CNTNAP5: variants seen among roughly 807,000 people sequenced by gnomAD.
CNTNAP5 encodes contactin associated protein family member 5, also known as contactin-associated protein-like 5.
A neutral mutation model predicts 150.2 loss-of-function variants in CNTNAP5; 72 were observed. The ratio of observed to expected loss-of-function variants is 0.48; its 90% CI spans 0.40 to 0.58. The LOEUF (loss-of-function observed/expected upper bound fraction) is 0.58, where lower values mean the gene tolerates loss of function less well. CNTNAP5 is among the 20% of genes least tolerant of loss of function. The pLI is 0.00. For missense variants in CNTNAP5, 1,636 were observed against 1,626.2 expected, an observed-to-expected ratio of 1.01 and a Z score of -0.10; for synonymous variants, 672 against 619.8, an observed-to-expected ratio of 1.08 and a Z score of -1.25.
At chr2:124,555,439 A>AACCC (rs1206910201) in intron 10 of CNTNAP5, among the ~76,000 whole-genome samples, 1 of 152,204 alleles carries the variant, frequency 6.6e-6, no homozygotes, top group Non-Finnish European at 1.5e-5. Flanking sequence ...CTGACCATGA[A>AACCC]ACCCATATCA....
At chr2:124,777,775 A>ATGTGTGTGTG (rs35863925) in intron 17 of CNTNAP5, among the ~76,000 whole-genome samples, 85 of 130,684 alleles carry the variant, frequency 6.5e-4, no homozygotes, top group South Asian at 2.7e-3. Flanking sequence ...GAATGGAGGG[A>ATGTGTGTGTG]TGTGTGTGTG....
intron 19 of CNTNAP5, among the ~76,000 whole-genome samples, chr2:124,818,265 T>C (rs1682410304): frequency 6.6e-6 from 1 of 152,172 alleles, no homozygotes; most frequent in African/African-American, 2.4e-5. Context: ...CCATGATCCC[T>C]GGAAGTATTA....
intron 4 of CNTNAP5, among the ~76,000 whole-genome samples, chr2:124,433,403 T>C (rs1425551147): frequency 6.6e-6 from 1 of 152,244 alleles, no homozygotes; most frequent in Non-Finnish European, 1.5e-5. Flanking sequence ...TATTATTTCA[T>C]TTTCCTTTTC....
intron 1 of CNTNAP5, among the ~76,000 whole-genome samples, chr2:124,090,851 G>T (rs2104685847): frequency 6.6e-6 from 1 of 152,302 alleles, no homozygotes; most frequent in Middle Eastern, 3.4e-3. Flanking sequence ...GATTAATGCT[G>T]CACAGTAACT....
chr2:124,193,663 A>C (rs1192499886), intron 1 of CNTNAP5, among the ~76,000 whole-genome samples: 1 of 152,226 alleles, frequency 6.6e-6, no homozygotes, highest in Non-Finnish European at 1.5e-5. Context: ...CTTGGAAAAC[A>C]ATACCTCACT....
chr2:124,364,565 T>C (rs1440816052), intron 3 of CNTNAP5, among the ~76,000 whole-genome samples: 1 of 152,186 alleles, frequency 6.6e-6, no homozygotes, highest in Non-Finnish European at 1.5e-5. Context: ...ACTGAGGTTT[T>C]CCAAGTGTCT....
At chr2:124,710,332 G>A (rs2105102604) in intron 13 of CNTNAP5, among the ~76,000 whole-genome samples, 1 of 152,310 alleles carries the variant, frequency 6.6e-6, no homozygotes, top group Admixed American at 6.5e-5. Flanking sequence ...TCTGGTCAGA[G>A]AGTTTCCATC....
At chr2:124,397,415 G>C (rs1218549583) in intron 3 of CNTNAP5, among the ~76,000 whole-genome samples, 1 of 152,056 alleles carries the variant, frequency 6.6e-6, no homozygotes, top group Non-Finnish European at 1.5e-5. Flanking sequence ...AAGATAGGGA[G>C]GGCTAGTTCT....
chr2:124,915,131 GAT>G lies in CNTNAP5; in HGVS notation c.*855_*856del, dbSNP rs1219289345. 3.7e-5 allele frequency: 6 copies of G among 163,228 alleles called. No homozygotes were observed. The highest frequency in any genetic ancestry group is 4.9e-5 in the African/African-American group (2 of 40,676). The allele number at this position is 163,228 out of a possible 1,614,324, so 10.1% of individuals were successfully genotyped here. The stretch of plus-strand genomic sequence containing the variant: ...GGTATTCCTGGGATTATTATACTGA[GAT>G]ATATATATATACACACACACACACA... On this transcript the variant is annotated 3_prime_UTR_variant, in exon 24 of 24. Transcript: ENST00000682447.
intron 17 of CNTNAP5, among the ~76,000 whole-genome samples, chr2:124,788,603 C>CTTTCTTTTT (rs745963953): frequency 7.3e-6 from 1 of 136,332 alleles, no homozygotes; most frequent in African/African-American, 2.8e-5. Flanking sequence ...TTCTTTCTTT[C>CTTTCTTTTT]TTTTTTTTTT....
chr2:124,571,455 G>A (rs1471571197), intron 11 of CNTNAP5, among the ~76,000 whole-genome samples: 1 of 148,948 alleles, frequency 6.7e-6, no homozygotes, highest in Admixed American at 6.7e-5. Context: ...GAAGAGGGAT[G>A]TTTCAGGAAT....
chr2:124,748,688 C>G (rs1412479282), intron 14 of CNTNAP5, among the ~76,000 whole-genome samples: 1 of 152,110 alleles, frequency 6.6e-6, no homozygotes, highest in East Asian at 1.9e-4. Context: ...AAGTCAAAAT[C>G]TCAGTTCAGC....
In CNTNAP5 at chr2:124,722,051, C is replaced by T. The variant is rs376017325; in HGVS notation, c.2078-25178C>T. 9.2e-5 allele frequency among the ~76,000 whole-genome samples: 14 copies of T among 152,168 alleles called. 1 individual carries two copies. The South Asian group carries it at 2.7e-3, about 29-fold the overall frequency. ...TCATTGGATTTGGGCCCCACATAAA[C>T]AGTCCTGTTTTACCTTCATTTTTTA... On this transcript the variant is annotated intron_variant, in intron 13 of 23. Transcript: ENST00000682447.
At chr2:124,414,032 A>G (rs887117685) in intron 3 of CNTNAP5, among the ~76,000 whole-genome samples, 2 of 151,624 alleles carry the variant, frequency 1.3e-5, no homozygotes, top group African/African-American at 4.8e-5. Flanking sequence ...TCAAAGTGCC[A>G]TATTTTGGGG....
chr2:124,504,437 G>T lies in CNTNAP5; in HGVS notation c.1208G>T (p.Gly403Val). The change falls in exon 8 of 24, where the codon GGT becomes GTT. Residue 403 changes from glycine (G) to valine (V), a missense_variant. Physicochemically the swap from Gly to Val is moderately radical, Grantham distance 109. Transcript: ENST00000682447. ...CAGTTTCGAACATGGAACAAGGATGGTCTGCTTCTGTCCACAGAGCTGTCT... is the reference window on the plus strand; with the variant it reads ...CAGTTTCGAACATGGAACAAGGATGTTCTGCTTCTGTCCACAGAGCTGTCT... ...SFQFRTWNKD[G>V]LLLSTELSEG... 1.2e-6 allele frequency: 2 copies of T among 1,613,882 alleles called. No individual in the cohort carries two copies. Among genetic ancestry groups the T allele is most frequent in the Non-Finnish European group, 1.7e-6 (2 of 1,179,850 alleles).
At chr2:124,317,347 A>G (rs2104664745) in intron 3 of CNTNAP5, among the ~76,000 whole-genome samples, 1 of 152,320 alleles carries the variant, frequency 6.6e-6, no homozygotes, top group African/African-American at 2.4e-5. Context: ...TAAAGCATGC[A>G]AAGTTTAAGC....
intron 4 of CNTNAP5, among the ~76,000 whole-genome samples, chr2:124,418,219 T>A (rs998004062): frequency 3.3e-5 from 5 of 152,176 alleles, no homozygotes; most frequent in Admixed American, 2.6e-4. Flanking sequence ...TACTGAAACC[T>A]GAAATTGCAT....
rs944055308 is a variant in CNTNAP5, at chr2:124,863,366, T to C, written c.3218-1940T>C. On this transcript the variant is annotated intron_variant, in intron 19 of 23. Transcript: ENST00000682447. The stretch of plus-strand genomic sequence containing the variant: ...GGTACCTTGCCCGTGATCTGCACAG[T>C]GACTCGCCCCTACCAGCTCCTGTCT... Among the ~76,000 whole-genome samples, 28 of 152,216 alleles carry C rather than the reference T, an allele frequency of 1.8e-4. 1 individual carries two copies. The highest frequency in any genetic ancestry group is 1.8e-3 in the Admixed American group (28 of 15,280).
chr2:124,106,901 A>G (rs1558757787), intron 1 of CNTNAP5, among the ~76,000 whole-genome samples: 1 of 151,752 alleles, frequency 6.6e-6, no homozygotes, highest in Non-Finnish European at 1.5e-5. Flanking sequence ...ATTGAGTTGA[A>G]TTGTTCAACA....
Sources: gnomAD v4.1 joint callset for allele counts (sites outside exome capture counted in the v4.1 genomes callset) on GRCh38, gnomAD v4.1.1 for gene constraint, MANE v1.5 for transcripts, NCBI Gene and HGNC (gene_info 2026-07-23, HGNC 2026-07-21) for gene names.